CHST1: variants seen among roughly 807,000 people sequenced by gnomAD.
The protein encoded by CHST1 is Keratan sulfotransferase.
CHST1 carries 10 observed loss-of-function variants against 22.5 expected under a neutral mutation model. The ratio of observed to expected loss-of-function variants is 0.44; its 90% CI spans 0.27 to 0.75. The LOEUF (loss-of-function observed/expected upper bound fraction) is 0.75. Ranked by LOEUF, CHST1 falls within the 30% of genes least tolerant of loss-of-function variation. CHST1 has a pLI of 0.15. For missense variants in CHST1, 439 were observed against 576.1 expected, an observed-to-expected ratio of 0.76 and a Z score of 2.44; for synonymous variants, 267 against 264.5, an observed-to-expected ratio of 1.01 and a Z score of -0.09.
chr11:45,656,964 T>C (rs780886082), intron 1 of CHST1, among the ~76,000 whole-genome samples: 68 of 152,028 alleles, frequency 4.5e-4, no homozygotes, highest in Non-Finnish European at 7.5e-4. Context: ...CTCCCAGACA[T>C]TTCTCCCTAA....
chr11:45,648,527 C>A lies in CHST1; in HGVS notation c.*1161G>T, dbSNP rs866963439. Among the ~76,000 whole-genome samples, 9,404 of 128,686 alleles carry A rather than the reference C, an allele frequency of 0.073. 387 individuals are homozygous for A. Among genetic ancestry groups the A allele is most frequent in the African/African-American group, 0.11 (3,932 of 34,226 alleles). The allele number at this position is 128,686 out of a possible 152,430, so 84.4% of individuals were successfully genotyped here. On this transcript the variant is annotated 3_prime_UTR_variant, in exon 4 of 4. Transcript: ENST00000308064. Reference sequence around the variant, plus strand: ...GTGAAACCCCGTCTCTACTAAAATCCAAAAAAAAAAAAAAATAGCCAGGTG... The same window carrying A: ...GTGAAACCCCGTCTCTACTAAAATCAAAAAAAAAAAAAAAATAGCCAGGTG...
At chr11:45,651,901 A>C (rs1018445175) in intron 3 of CHST1, 92 bp downstream of exon 3, 1 of 152,440 alleles carries the variant, frequency 6.6e-6, no homozygotes, top group African/African-American at 2.4e-5. Flanking sequence ...AGCATCCTGT[A>C]GGCACCCTCT....
Position 45,649,515 on chromosome 11 carries a change from T to G in CHST1, c.*173A>C. ...GCCCCAGTGATTCCCGTCCAAGACG[T>G]AGTGCAAATTTCAGAGACAAAAAAG... is the stretch of plus-strand genomic sequence containing the variant. On this transcript the variant is annotated 3_prime_UTR_variant, in exon 4 of 4. Transcript: ENST00000308064. 1.5e-6 allele frequency: 1 copy of G among 680,528 alleles called. No individual in the cohort carries two copies. The highest frequency in any genetic ancestry group is 2.0e-5 in the South Asian group (1 of 49,278). The allele number at this position is 680,528 out of a possible 1,614,324, so 42.2% of individuals were successfully genotyped here.
chr11:45,660,503 A>G (rs1300538336), intron 1 of CHST1, among the ~76,000 whole-genome samples: 1 of 152,228 alleles, frequency 6.6e-6, no homozygotes, highest in African/African-American at 2.4e-5. Flanking sequence ...AGTCCTGGGC[A>G]GCCTTAACAC....
intron 1 of CHST1, among the ~76,000 whole-genome samples, chr11:45,653,488 G>A (rs948463251): frequency 6.6e-6 from 1 of 151,856 alleles, no homozygotes; most frequent in African/African-American, 2.4e-5. Flanking sequence ...TCATGGGGCT[G>A]GGCCAGGTAT....
chr11:45,650,159 C>T lies in CHST1; in HGVS notation c.765G>A (p.Arg255=). The change falls in exon 4 of 4, where the codon CGG becomes CGA. Residue 255 remains arginine (R), a synonymous_variant. Coordinates refer to ENST00000308064, the MANE Select transcript of CHST1 (RefSeq NM_003654.6). Reference sequence around the variant, plus strand: ...GTTTCCTCCCGGTGCCGTACCAGAGCCGCCAGAGCCGGTACGTGTCGCGGA... The same window carrying T: ...GTTTCCTCCCGGTGCCGTACCAGAGTCGCCAGAGCCGGTACGTGTCGCGGA... ...ETFRDTYRLW[R]LWYGTGRKPY... The T allele has an allele frequency of 6.2e-7, 1 of 1,613,566 alleles. No homozygotes were observed. Among genetic ancestry groups the T allele is most frequent in the Non-Finnish European group, 8.5e-7 (1 of 1,180,018 alleles).
chr11:45,656,501 A>G (rs1349827067), intron 1 of CHST1, among the ~76,000 whole-genome samples: 1 of 152,172 alleles, frequency 6.6e-6, no homozygotes, highest in Admixed American at 6.5e-5. Context: ...TCACTGAAAG[A>G]GCTTGCTCTG....
chr11:45,662,465 C>CG (rs1247867424), intron 1 of CHST1, among the ~76,000 whole-genome samples: 5 of 152,246 alleles, frequency 3.3e-5, no homozygotes, highest in East Asian at 3.9e-4. Context: ...TGCTTCCCAG[C>CG]GGGGGGTGTG....
At chr11:45,653,394 C>T (rs546290642) in intron 1 of CHST1, among the ~76,000 whole-genome samples, 8 of 152,282 alleles carry the variant, frequency 5.3e-5, no homozygotes, top group African/African-American at 1.9e-4. Flanking sequence ...AACTTCTCAA[C>T]GTGATCAGAG....
At chr11:45,659,412 T>C (rs1268742830) in intron 1 of CHST1, among the ~76,000 whole-genome samples, 1 of 152,092 alleles carries the variant, frequency 6.6e-6, no homozygotes, top group Non-Finnish European at 1.5e-5. Context: ...GGTGCCGATC[T>C]CGATCACAGC....
At chr11:45,661,624 A>G (rs1273658267) in intron 1 of CHST1, among the ~76,000 whole-genome samples, 1 of 152,240 alleles carries the variant, frequency 6.6e-6, no homozygotes, top group Non-Finnish European at 1.5e-5. Context: ...CCATACAAGC[A>G]AACCCCAGAA....
At chr11:45,658,554 G>T (rs1477891300) in intron 1 of CHST1, among the ~76,000 whole-genome samples, 2 of 152,204 alleles carry the variant, frequency 1.3e-5, no homozygotes, top group Non-Finnish European at 2.9e-5. Context: ...TGCCGTGGAG[G>T]GTGGGAGTGG....
intron 1 of CHST1, among the ~76,000 whole-genome samples, chr11:45,663,899 G>A (rs1171107199): frequency 6.6e-6 from 1 of 152,208 alleles, no homozygotes; most frequent in Admixed American, 6.5e-5. Context: ...TGAATGTGAT[G>A]TGTGAGTCAT....
At chr11:45,662,585 T>A (rs1852148858) in intron 1 of CHST1, among the ~76,000 whole-genome samples, 1 of 151,984 alleles carries the variant, frequency 6.6e-6, no homozygotes, top group South Asian at 2.1e-4. Flanking sequence ...GCTTGGGGAG[T>A]TTCTTCCAAT....
chr11:45,650,494 C>G lies in CHST1; in HGVS notation c.430G>C (p.Val144Leu). Residue 144 changes from valine (V) to leucine (L), a missense_variant, in exon 4 of 4, where the codon GTC (valine) becomes CTC (leucine). Transcript: ENST00000308064. ...FLENYIKPPPVNHTTDRIFRR... is the reference protein window; with the variant it reads ...FLENYIKPPPLNHTTDRIFRR... ...AAGATCCTGTCGGTGGTGTGGTTGA[C>G]CGGCGGCGGCTTGATGTAGTTCTCC... The G allele has an allele frequency of 6.2e-7, 1 of 1,613,698 alleles. No individual in the cohort carries two copies. Among genetic ancestry groups the G allele is most frequent in the Non-Finnish European group, 8.5e-7 (1 of 1,179,970 alleles).
rs764671809 is a variant in CHST1 at position 45,650,819 on chromosome 11, G to A, written c.105C>T (p.Pro35=). 4 of 1,610,452 alleles carry A rather than the reference G, an allele frequency of 2.5e-6. No individual in the cohort carries two copies. Among genetic ancestry groups the A allele is most frequent in the Admixed American group, 1.7e-5 (1 of 59,818 alleles). The part of the protein sequence containing the change: ...TFTAKSFHTC[P]GLAEAGLAER... ...CGGCCAGCCCGGCCTCTGCCAGCCC[G>A]GGGCAGGTGTGAAAGGACTTGGCGG... is the stretch of plus-strand genomic sequence containing the variant. Residue 35 remains proline (P), a synonymous_variant, in exon 4 of 4, where the codon CCC becomes CCT. Coordinates refer to ENST00000308064, the MANE Select transcript of CHST1 (RefSeq NM_003654.6).
rs747607145 is a variant in CHST1, at chr11:45,650,416, C to T, written c.508G>A (p.Gly170Arg). Residue 170 changes from glycine to arginine, a missense_variant, in exon 4 of 4, where the codon GGG becomes AGG. Coordinates refer to ENST00000308064, the MANE Select transcript of CHST1 (RefSeq NM_003654.6). ...TCCTCCAGGACCAGGTCGGCTGGCC[C>T]CGGAGGGTCGCACACAGGCCGGGAG... is the stretch of plus-strand genomic sequence containing the variant. ...LCSRPVCDPP[G>R]PADLVLEEGD... The T allele has an allele frequency of 5.6e-6, 9 of 1,607,512 alleles. No individual in the cohort carries two copies. In the South Asian group the frequency reaches 9.9e-5, roughly 18 times the overall value.
At chr11:45,658,210 T>G (rs1236105712) in intron 1 of CHST1, among the ~76,000 whole-genome samples, 2 of 152,182 alleles carry the variant, frequency 1.3e-5, no homozygotes, top group East Asian at 3.9e-4. Context: ...CGTGAGGCTC[T>G]TAACCTCTAT....
At chr11:45,658,763 G>T (rs11038607) in intron 1 of CHST1, among the ~76,000 whole-genome samples, 1 of 151,984 alleles carries the variant, frequency 6.6e-6, no homozygotes, top group Non-Finnish European at 1.5e-5. Flanking sequence ...CTACAGCCCC[G>T]ACACTGGGCG....
Sources: gnomAD v4.1 joint callset for allele counts (sites outside exome capture counted in the v4.1 genomes callset) on GRCh38, gnomAD v4.1.1 for gene constraint, MANE v1.5 for transcripts, NCBI Gene and HGNC (gene_info 2026-07-23, HGNC 2026-07-21) for gene names.